Variants in PCLO observed in about 807,000 individuals in gnomAD.
PCLO encodes protein piccolo.
PCLO carries 82 observed loss-of-function variants against 427.5 expected under a neutral mutation model. The ratio of observed to expected loss-of-function variants is 0.19; its 90% confidence interval spans 0.16 to 0.23. PCLO has a LOEUF of 0.23. Ranked by LOEUF, PCLO falls within the 10% of genes least tolerant of loss-of-function variation. The probability of loss-of-function intolerance (pLI) is 1.00; values close to 1 mark genes in which losing one functional copy is unlikely to be tolerated. For missense variants in PCLO, 6,239 were observed against 6,115.9 expected (o/e 1.02, Z -0.67); for synonymous variants, 2,357 against 2,155.4 (o/e 1.09, Z -2.59).
intron 4 of PCLO, among the ~76,000 whole-genome samples, chr7:82,958,275 CTCCTTCCT>C (rs536870553): frequency 6.6e-6 from 1 of 151,074 alleles, no homozygotes; most frequent in Non-Finnish European, 1.5e-5. Context: ...AACAAACATA[CTCCTTCCT>C]TCCTTCCTTC....
At chr7:83,051,404 AT>A (rs1422795774) in intron 3 of PCLO, among the ~76,000 whole-genome samples, 1 of 152,156 alleles carries the variant, frequency 6.6e-6, no homozygotes. Flanking sequence ...GTCTTTCTAT[AT>A]ACCAGCATGA....
intron 10 of PCLO, among the ~76,000 whole-genome samples, chr7:82,860,650 G>A (rs1291181815): frequency 6.6e-6 from 1 of 152,016 alleles, no homozygotes; most frequent in Non-Finnish European, 1.5e-5. Flanking sequence ...TATGTACACA[G>A]AGAAACACAT....
In PCLO at chr7:82,910,216, T is replaced by C. The variant is rs1354396489; in HGVS notation, c.13301-1203A>G. On this transcript the variant is annotated intron_variant, in intron 7 of 24. Coordinates refer to ENST00000333891, the MANE Select transcript of PCLO (RefSeq NM_033026.6). ...TGAAACTCCAGCTTCTAGAATGCCA[T>C]ACAATAGCTTTATTTTTCTATCTAC... Among the ~76,000 whole-genome samples, 6 of 152,196 alleles carry C rather than the reference T, an allele frequency of 3.9e-5. 1 individual carries two copies. The highest frequency in any genetic ancestry group is 4.1e-4 in the South Asian group (2 of 4,828).
At chr7:82,780,760 C>T (rs1011896764) in intron 22 of PCLO, among the ~76,000 whole-genome samples, 2 of 152,164 alleles carry the variant, frequency 1.3e-5, no homozygotes, top group African/African-American at 4.8e-5. Flanking sequence ...TCTAAGCCCA[C>T]ATATGTCTGA....
chr7:83,059,357 A>AATATATATATATATATATATATGT lies in PCLO; in HGVS notation c.3300+74892_3300+74893insACATATATATATATATATATATAT, dbSNP rs1554388126. On this transcript the variant is annotated intron_variant, in intron 3 of 24. Transcript: ENST00000333891. Reference sequence around the variant, plus strand: ...ATATATTTTATATATACACCTTTAAAATATATATATATATATATATATAAA... The same window carrying AATATATATATATATATATATATGT: ...ATATATTTTATATATACACCTTTAAAATATATATATATATATATATATGTATATATATATATATATATATATAAA... Among the ~76,000 whole-genome samples the AATATATATATATATATATATATGT allele has an allele frequency of 2.1e-4, 23 of 111,794 alleles. No homozygotes were observed. The East Asian group carries it at 6.3e-3, about 31-fold the overall frequency. 73.3% of individuals were successfully genotyped at this position (111,794 alleles called of 152,430 possible).
intron 3 of PCLO, among the ~76,000 whole-genome samples, chr7:82,977,671 C>G (rs1445661593): frequency 1.3e-5 from 2 of 152,052 alleles, no homozygotes; most frequent in Non-Finnish European, 2.9e-5. Flanking sequence ...GCCTTGGCCT[C>G]CCAAAGTGCT....
chr7:83,039,430 T>A (rs1043707024), intron 3 of PCLO, among the ~76,000 whole-genome samples: 1 of 152,090 alleles, frequency 6.6e-6, no homozygotes, highest in Admixed American at 6.6e-5. Flanking sequence ...TGCATATGAA[T>A]ATCAAACTGT....
intron 3 of PCLO, among the ~76,000 whole-genome samples, chr7:83,132,719 A>C (rs891819230): frequency 3.9e-5 from 6 of 152,136 alleles, no homozygotes; most frequent in Admixed American, 3.9e-4. Context: ...CTTTAAATGC[A>C]AAAAGTATAG....
chr7:83,077,157 T>C (rs918966948), intron 3 of PCLO, among the ~76,000 whole-genome samples: 2 of 152,100 alleles, frequency 1.3e-5, no homozygotes, highest in African/African-American at 2.4e-5. Flanking sequence ...GAAGCTAACA[T>C]ATAGAGTATA....
chr7:82,771,515 A>G (rs374680942), intron 22 of PCLO, among the ~76,000 whole-genome samples: 2 of 152,086 alleles, frequency 1.3e-5, no homozygotes, highest in East Asian at 3.9e-4. Flanking sequence ...AATGACAAAT[A>G]CCAGTTGAAT....
intron 3 of PCLO, among the ~76,000 whole-genome samples, chr7:83,053,332 A>G (rs1262609105): frequency 6.6e-6 from 1 of 151,986 alleles, no homozygotes. Flanking sequence ...ACACACTGAA[A>G]AAGTTTGTTT....
chr7:82,805,537 A>G (rs1791438974), intron 21 of PCLO, 151 bp downstream of exon 21: 3 of 639,940 alleles, frequency 4.7e-6, no homozygotes, highest in Non-Finnish European at 7.9e-6. Context: ...TTCTTGAACT[A>G]TCTATTTTTA....
In PCLO at chr7:82,930,717, T is replaced by G. The variant is rs577513426; in HGVS notation, c.11113-13844A>C. On this transcript the variant is annotated intron_variant, in intron 6 of 24. Transcript: ENST00000333891. Reference sequence around the variant, plus strand: ...TGTTTTTCAAACACACCCAGATACCTTTTTCAAACTACAGTTACTAGGTTA... The same window carrying G: ...TGTTTTTCAAACACACCCAGATACCGTTTTCAAACTACAGTTACTAGGTTA... 4.6e-5 allele frequency among the ~76,000 whole-genome samples: 7 copies of G among 152,246 alleles called. No individual in the cohort carries two copies. The East Asian group carries it at 1.4e-3, about 29-fold the overall frequency.
chr7:82,770,300 A>G (rs1790622755), intron 22 of PCLO, among the ~76,000 whole-genome samples: 1 of 151,996 alleles, frequency 6.6e-6, no homozygotes, highest in Non-Finnish European at 1.5e-5. Flanking sequence ...CTAGATATTC[A>G]TGGAGTACAA....
intron 3 of PCLO, among the ~76,000 whole-genome samples, chr7:83,035,746 T>G (rs1358259720): frequency 1.3e-5 from 2 of 152,190 alleles, no homozygotes; most frequent in Non-Finnish European, 2.9e-5. Context: ...ATACCAATTC[T>G]TATGCTAAAA....
intron 10 of PCLO, among the ~76,000 whole-genome samples, chr7:82,875,116 A>C (rs1424611462): frequency 6.6e-6 from 1 of 152,184 alleles, no homozygotes; most frequent in Non-Finnish European, 1.5e-5. Context: ...AGGAATGTTT[A>C]CTAAATGTTA....
intron 10 of PCLO, among the ~76,000 whole-genome samples, chr7:82,850,614 C>T (rs1316892571): frequency 6.6e-6 from 1 of 152,038 alleles, no homozygotes; most frequent in African/African-American, 2.4e-5. Context: ...TTAAAAACAT[C>T]TTACTGACTA....
chr7:82,796,962 G>A (rs1791236536), intron 22 of PCLO, among the ~76,000 whole-genome samples: 1 of 151,742 alleles, frequency 6.6e-6, no homozygotes, highest in Admixed American at 6.6e-5. Flanking sequence ...GGTAGCCTAA[G>A]TATTGGGAAA....
At chr7:83,139,857 C>T (rs1791820100) in intron 2 of PCLO, among the ~76,000 whole-genome samples, 2 of 152,112 alleles carry the variant, frequency 1.3e-5, no homozygotes, top group Admixed American at 1.3e-4. Flanking sequence ...GAAAGCACCT[C>T]CTTTTTATTT....
Sources: allele counts gnomAD v4.1 joint callset (sites outside exome capture counted in the v4.1 genomes callset), GRCh38; gene constraint gnomAD v4.1.1; transcripts MANE v1.5; gene names NCBI Gene and HGNC (gene_info 2026-07-23, HGNC 2026-07-21).